MYO1H: variants seen among roughly 807,000 people sequenced by gnomAD.
MYO1H encodes myosin IH.
Under a neutral mutation model 149.3 loss-of-function variants are expected in MYO1H, and 118 were observed. That is an observed-to-expected ratio of 0.79 (90% confidence interval 0.68 to 0.92). The LOEUF (loss-of-function observed/expected upper bound fraction) is 0.92. MYO1H is among the 40% of genes least tolerant of loss of function. The pLI is 0.00. For synonymous variants in MYO1H, 447 were observed against 465.2 expected (o/e 0.96, Z 0.50); for missense variants, 1,212 against 1,280.7 (o/e 0.95, Z 0.82).
intron 15 of MYO1H, among the ~76,000 whole-genome samples, chr12:109,417,423 G>A (rs1165970100): frequency 2.7e-5 from 4 of 150,508 alleles, no homozygotes; most frequent in East Asian, 4.0e-4. Flanking sequence ...CGCCTCCTGG[G>A]TTCACGCCAT....
chr12:109,374,169 A>AT (rs1211699700), intron 1 of MYO1H, among the ~76,000 whole-genome samples: 1 of 152,188 alleles, frequency 6.6e-6, no homozygotes, highest in Non-Finnish European at 1.5e-5. Context: ...TGAATTAAAC[A>AT]TTTTTGTTGA....
At chr12:109,430,732 C>A (rs1871574790) in intron 19 of MYO1H, among the ~76,000 whole-genome samples, 1 of 151,848 alleles carries the variant, frequency 6.6e-6, no homozygotes, top group African/African-American at 2.4e-5. Context: ...TTGAAACCAG[C>A]CTGGCCAACG....
At chr12:109,312,531 C>A in the MYO1H span, among the ~76,000 whole-genome samples, 2 of 152,018 alleles carry the variant, frequency 1.3e-5, no homozygotes, top group Admixed American at 1.3e-4. Flanking sequence ...CACCACGGCC[C>A]GGCCTAGAAG....
chr12:109,399,898 A>G (rs115104295), intron 5 of MYO1H, among the ~76,000 whole-genome samples: 5,546 of 152,184 alleles, frequency 0.036, 125 homozygotes, highest in Middle Eastern at 0.065. Context: ...CTGGGCAACA[A>G]AGCAAGACCC....
intron 9 of MYO1H, among the ~76,000 whole-genome samples, 193 bp from the exon 10 acceptor site, chr12:109,407,600 CA>C (rs776897477): frequency 0.094 from 6,409 of 68,256 alleles, 198 homozygotes; most frequent in East Asian, 0.22. Context: ...CACATTTCTA[CA>C]AAAAAAAAAA....
At chr12:109,351,934 C>T (rs1350837836) in intron 1 of MYO1H, among the ~76,000 whole-genome samples, 2 of 152,180 alleles carry the variant, frequency 1.3e-5, no homozygotes, top group African/African-American at 2.4e-5. Flanking sequence ...TTTTACTCAT[C>T]GCTGTCATAT....
Position 109,425,951 on chromosome 12 carries a change from G to A in MYO1H, c.1731G>A (p.Gly577=), listed in dbSNP as rs779035103. The A allele has an allele frequency of 3.1e-6, 5 of 1,610,920 alleles. No individual in the cohort carries two copies. The South Asian group carries it at 3.3e-5, about 11-fold the overall frequency. The change falls in exon 18 of 32, where the codon GGG becomes GGA. Residue 577 remains glycine, a synonymous_variant. Transcript: ENST00000310903. ...CTTTCTCTCTCTCTCTGCAGGTGGG[G>A]ACTCAGTTTAAAAACAGTCTGAGCA...
At chr12:109,362,492 AC>A (rs910945689) in intron 1 of MYO1H, among the ~76,000 whole-genome samples, 4 of 152,340 alleles carry the variant, frequency 2.6e-5, no homozygotes, top group Middle Eastern at 3.4e-3. Flanking sequence ...AAAAGTATAT[AC>A]ATTTATTGAA....
At chr12:109,332,433 T>C in the MYO1H span, among the ~76,000 whole-genome samples, 1 of 152,160 alleles carries the variant, frequency 6.6e-6, no homozygotes, top group Non-Finnish European at 1.5e-5. Flanking sequence ...TGGCCCTTCC[T>C]AGGGGCAGAC....
At chr12:109,412,309 C>A (rs576895477) in intron 14 of MYO1H, among the ~76,000 whole-genome samples, 1 of 152,222 alleles carries the variant, frequency 6.6e-6, no homozygotes, top group African/African-American at 2.4e-5. Context: ...AAACATACAC[C>A]ACAATGCCTG....
intron 19 of MYO1H, among the ~76,000 whole-genome samples, chr12:109,431,580 G>A (rs11066562): frequency 0.067 from 10,199 of 152,132 alleles, 443 homozygotes; most frequent in Admixed American, 0.1. Context: ...CTCCCGCTCC[G>A]GAGCTGGGCT....
intron 19 of MYO1H, among the ~76,000 whole-genome samples, chr12:109,427,909 AATAT>A (rs1555254297): frequency 0.013 from 208 of 16,382 alleles, 5 homozygotes; most frequent in South Asian, 0.023. Flanking sequence ...AAAAAAAAAA[AATAT>A]ATATATATAT....
upstream of MYO1H, among the ~76,000 whole-genome samples, chr12:109,345,934 G>T (rs533056990): frequency 6.6e-6 from 1 of 152,264 alleles, no homozygotes; most frequent in East Asian, 1.9e-4. Flanking sequence ...TGGTTTCAAG[G>T]TGCTAGGGTG....
chr12:109,370,626 C>G (rs1868961439), intron 1 of MYO1H, among the ~76,000 whole-genome samples: 1 of 152,204 alleles, frequency 6.6e-6, no homozygotes, highest in South Asian at 2.1e-4. Context: ...TTTAATATTA[C>G]ATTTTATTGG....
chr12:109,347,600 T>C (rs924796601), upstream of MYO1H, among the ~76,000 whole-genome samples: 2 of 151,830 alleles, frequency 1.3e-5, no homozygotes, highest in African/African-American at 4.8e-5. Flanking sequence ...TTTTTCTTTT[T>C]TTCTTTTTTT....
intron 1 of MYO1H, among the ~76,000 whole-genome samples, chr12:109,350,131 G>C (rs10850065): frequency 2.6e-5 from 4 of 151,790 alleles, no homozygotes; most frequent in Non-Finnish European, 5.9e-5. Flanking sequence ...CATTTGCTTC[G>C]TGCCGTTGAT....
chr12:109,436,817 G>A (rs768956005), intron 22 of MYO1H, among the ~76,000 whole-genome samples: 1 of 152,056 alleles, frequency 6.6e-6, no homozygotes, highest in East Asian at 1.9e-4. Context: ...GGCCAGTCGC[G>A]GTGGCTCATA....
In MYO1H at chr12:109,427,905, A is replaced by ACATAT. The variant is rs1468068234; in HGVS notation, c.1949+319_1949+320insCATAT. On this transcript the variant is annotated intron_variant, in intron 19 of 31. Transcript: ENST00000310903. ...ACAAAAAAAAAAAAAAAAAAAAAAA[A>ACATAT]AAAAATATATATATATATATATATA... Among the ~76,000 whole-genome samples the ACATAT allele has an allele frequency of 5.4e-4, 18 of 33,614 alleles. 1 individual carries two copies. The highest frequency in any genetic ancestry group is 2.0e-3 in the African/African-American group (18 of 9,052). The allele number at this position is 33,614 out of a possible 152,430, so 22.1% of individuals were successfully genotyped here. A position where few individuals can be genotyped will look rare whatever the true frequency, so the allele number is the denominator to read the frequency against.
At chr12:109,355,181 C>T (rs988079249) in intron 1 of MYO1H, among the ~76,000 whole-genome samples, 2 of 152,052 alleles carry the variant, frequency 1.3e-5, no homozygotes, top group Admixed American at 6.5e-5. Context: ...TTTTCTACCC[C>T]ACAGTGTTTG....
Sources: gnomAD v4.1 joint callset for allele counts (sites outside exome capture counted in the v4.1 genomes callset) on GRCh38, gnomAD v4.1.1 for gene constraint, MANE v1.5 for transcripts, NCBI Gene and HGNC (gene_info 2026-07-23, HGNC 2026-07-21) for gene names.